Variants in PRKAR2B observed in about 807,000 individuals in gnomAD.
PRKAR2B encodes the protein protein kinase cAMP-dependent type II regulatory subunit beta.
In PRKAR2B, 14 loss-of-function variants were observed where a neutral mutation model predicts 49.9. That is an observed-to-expected ratio of 0.28 (90% CI 0.19 to 0.44). PRKAR2B has a LOEUF of 0.44. Among genes scored for constraint, PRKAR2B ranks in the 20% least tolerant of loss-of-function variants. The pLI is 1.00. For missense variants in PRKAR2B, 393 were observed against 537.9 expected (o/e 0.73, Z 2.67); for synonymous variants, 196 against 197.7 (o/e 0.99, Z 0.07).
At chr7:107,070,247 T>C (rs758420032) in intron 1 of PRKAR2B, 34 bp from the exon 2 acceptor site, 19 of 1,556,342 alleles carry the variant, frequency 1.2e-5, no homozygotes, top group Non-Finnish European at 1.7e-5. Flanking sequence ...ATTAGACTTT[T>C]AATCTAATCA....
intron 2 of PRKAR2B, among the ~76,000 whole-genome samples, chr7:107,121,267 G>A (rs1795382180): frequency 6.6e-6 from 1 of 151,912 alleles, no homozygotes; most frequent in Non-Finnish European, 1.5e-5. Context: ...GACAAATATC[G>A]ATGCATGAAG....
chr7:107,066,896 AC>A, intron 1 of PRKAR2B: 1 of 151,120 alleles, frequency 6.6e-6, no homozygotes, highest in Non-Finnish European at 1.5e-5. Context: ...CTTCAGAAAA[AC>A]CCCCTGAAAG....
chr7:107,133,279 A>G (rs1795634762), intron 4 of PRKAR2B, among the ~76,000 whole-genome samples: 1 of 152,186 alleles, frequency 6.6e-6, no homozygotes, highest in South Asian at 2.1e-4. Context: ...ATATCCGTGT[A>G]TGAATTCTTC....
chr7:107,153,257 A>G lies in PRKAR2B; in HGVS notation c.918+6A>G. ...GAGAACAAATCATTGCTCAGGTATG[A>G]TATTTTGAAATGTAATTCAGTTTAG... is the stretch of plus-strand genomic sequence containing the variant. On this transcript the variant is annotated splice_donor_region_variant and intron_variant, in intron 8 of 10. Coordinates refer to ENST00000265717, the MANE Select transcript of PRKAR2B (RefSeq NM_002736.3). The G allele has an allele frequency of 1.3e-6, 2 of 1,590,848 alleles. No homozygotes were observed. Among genetic ancestry groups the G allele is most frequent in the East Asian group, 2.3e-5 (1 of 44,158 alleles).
At chr7:107,075,758 C>T (rs935003035) in intron 2 of PRKAR2B, among the ~76,000 whole-genome samples, 3 of 152,110 alleles carry the variant, frequency 2.0e-5, no homozygotes, top group African/African-American at 2.4e-5. Context: ...TTCTTATGAA[C>T]GTGGTTTAAA....
intron 4 of PRKAR2B, among the ~76,000 whole-genome samples, 181 bp from the exon 5 acceptor site, chr7:107,140,666 A>G (rs1031151128): frequency 2.0e-5 from 3 of 152,210 alleles, no homozygotes; most frequent in African/African-American, 7.2e-5. Flanking sequence ...ATGTGAGAGT[A>G]TATAATCATC....
chr7:107,083,713 A>G (rs1216123677), intron 2 of PRKAR2B, among the ~76,000 whole-genome samples: 1 of 152,014 alleles, frequency 6.6e-6, no homozygotes, highest in Non-Finnish European at 1.5e-5. Flanking sequence ...CCTGGGTTCA[A>G]GTGACTGTCC....
chr7:107,146,394 C>G lies in PRKAR2B; in HGVS notation c.674C>G (p.Ala225Gly). The change falls in exon 6 of 11, where the codon GCC (alanine) becomes GGC (glycine). Residue 225 changes from alanine to glycine, a missense_variant. Ala to Gly is a moderately conservative substitution (Grantham distance 60, BLOSUM62 0). Coordinates refer to ENST00000265717, the MANE Select transcript of PRKAR2B (RefSeq NM_002736.3). ...AATCGTGGGAGTTTCGGCGAACTGG[C>G]CTTAATGTACAATACACCCAGAGCA... The part of the protein sequence containing the change: ...YDNRGSFGEL[A>G]LMYNTPRAAT... 6.2e-7 allele frequency: 1 copy of G among 1,614,150 alleles called. No individual in the cohort carries two copies. Among genetic ancestry groups the G allele is most frequent in the Non-Finnish European group, 8.5e-7 (1 of 1,180,008 alleles).
At chr7:107,156,099 C>G (rs1796082180) in intron 8 of PRKAR2B, among the ~76,000 whole-genome samples, 1 of 152,048 alleles carries the variant, frequency 6.6e-6, no homozygotes. Context: ...ACACCGGGGC[C>G]TGTCAGGGGG....
chr7:107,124,281 G>T (rs1471042879), intron 3 of PRKAR2B, among the ~76,000 whole-genome samples: 1 of 152,190 alleles, frequency 6.6e-6, no homozygotes, highest in African/African-American at 2.4e-5. Flanking sequence ...GCTAATAAGG[G>T]TAGAGTATTT....
At chr7:107,099,320 C>T (rs755387271) in intron 2 of PRKAR2B, among the ~76,000 whole-genome samples, 2 of 152,284 alleles carry the variant, frequency 1.3e-5, no homozygotes, top group South Asian at 4.1e-4. Flanking sequence ...CCTAACCAGG[C>T]GCGGGATATA....
At chr7:107,054,991 T>C (rs1425195982) in intron 1 of PRKAR2B, among the ~76,000 whole-genome samples, 1 of 151,074 alleles carries the variant, frequency 6.6e-6, no homozygotes, top group East Asian at 2.0e-4. Context: ...GGCCCCAGTG[T>C]GTGATGTTCC....
At chr7:107,120,020 C>T (rs1795358823) in intron 2 of PRKAR2B, among the ~76,000 whole-genome samples, 1 of 152,152 alleles carries the variant, frequency 6.6e-6, no homozygotes, top group Admixed American at 6.5e-5. Flanking sequence ...AACGTGGGTC[C>T]TGTCACTTAC....
At chr7:107,075,315 A>G (rs980334008) in intron 2 of PRKAR2B, among the ~76,000 whole-genome samples, 2 of 151,272 alleles carry the variant, frequency 1.3e-5, no homozygotes, top group African/African-American at 4.9e-5. Flanking sequence ...GTTGGCCAGG[A>G]TGGTCTCAAT....
At chr7:107,110,050 C>G (rs185908260) in intron 2 of PRKAR2B, among the ~76,000 whole-genome samples, 24 of 152,334 alleles carry the variant, frequency 1.6e-4, no homozygotes, top group Middle Eastern at 3.4e-3. Flanking sequence ...CACCACCCCT[C>G]CACCATCCTC....
intron 10 of PRKAR2B, among the ~76,000 whole-genome samples, chr7:107,159,039 A>G (rs955353611): frequency 2.0e-5 from 3 of 152,226 alleles, no homozygotes; most frequent in Admixed American, 6.5e-5. Context: ...CCTTCACAAC[A>G]TGGCATTTTA....
intron 1 of PRKAR2B, among the ~76,000 whole-genome samples, chr7:107,061,613 C>T (rs986035374): frequency 6.6e-6 from 1 of 152,058 alleles, no homozygotes; most frequent in Non-Finnish European, 1.5e-5. Flanking sequence ...ATAAAGAAGA[C>T]CTAAGAATGG....
intron 2 of PRKAR2B, among the ~76,000 whole-genome samples, chr7:107,106,956 A>T (rs1042457110): frequency 6.6e-6 from 1 of 152,206 alleles, no homozygotes; most frequent in Non-Finnish European, 1.5e-5. Context: ...ATAAAATGCC[A>T]TAAAAGCCTG....
intron 1 of PRKAR2B, among the ~76,000 whole-genome samples, chr7:107,061,720 A>G (rs1396527286): frequency 1.3e-5 from 2 of 152,158 alleles, no homozygotes; most frequent in South Asian, 2.1e-4. Flanking sequence ...CCTGGCCAAC[A>G]TGATGAAACC....
Sources: allele counts gnomAD v4.1 joint callset (sites outside exome capture counted in the v4.1 genomes callset), GRCh38; gene constraint gnomAD v4.1.1; transcripts MANE v1.5; gene names NCBI Gene and HGNC (gene_info 2026-07-23, HGNC 2026-07-21).